ADAP1: variants seen among roughly 807,000 people sequenced by gnomAD.
The protein encoded by ADAP1 is arf-GAP with dual PH domain-containing protein 1.
In ADAP1, 31 loss-of-function variants were observed where a neutral mutation model predicts 54.9. That is an observed-to-expected ratio of 0.56 (90% CI 0.42 to 0.76). The LOEUF is 0.76. Ranked by LOEUF, ADAP1 falls within the 30% of genes least tolerant of loss-of-function variation. The pLI is 0.00. For missense variants in ADAP1, 535 were observed against 512.4 expected, an observed-to-expected ratio of 1.04 and a Z score of -0.42; for synonymous variants, 313 against 202.6, an observed-to-expected ratio of 1.55 and a Z score of -4.63.
intron 4 of ADAP1, chr7:905,564 A>AG (rs1254039149): frequency 3.6e-5 from 2 of 54,920 alleles, no homozygotes; most frequent in Non-Finnish European, 8.1e-5. Flanking sequence ...GAAAGGAGAA[A>AG]GGAGAAAGGA....
chr7:954,345 CG>C, intron 1 of ADAP1, 50 bp downstream of exon 1: 2 of 1,011,254 alleles, frequency 2.0e-6, no homozygotes, highest in Non-Finnish European at 2.4e-6. Context: ...CCCGGCACCC[CG>C]CGCCCACCCC....
chr7:906,340 GA>G (rs1845320602), intron 4 of ADAP1, among the ~76,000 whole-genome samples: 4 of 32,420 alleles, frequency 1.2e-4, no homozygotes, highest in Admixed American at 3.5e-4. Context: ...AAGGAGAAAG[GA>G]GAAAGGGAAA....
At chr7:927,068 G>C (rs1451216766) in intron 2 of ADAP1, 1 of 1,294,086 alleles carries the variant, frequency 7.7e-7, no homozygotes, top group African/African-American at 1.5e-5. Flanking sequence ...TTAGCAAAGA[G>C]CCAACAGGCG....
chr7:921,170 G>A (rs1447525234), intron 3 of ADAP1, among the ~76,000 whole-genome samples: 1 of 152,214 alleles, frequency 6.6e-6, no homozygotes, highest in Non-Finnish European at 1.5e-5. Flanking sequence ...GTTCTGGGGA[G>A]AATCTCCTCC....
In ADAP1 at chr7:946,456, C is replaced by G. The variant is rs567155087; in HGVS notation, c.82+7940G>C. Reference sequence around the variant, plus strand: ...GGACCCAGATCCGCTGGCCCCTACCCGGTTCAGGGACACGTGCCCCTCTCC... The same window carrying G: ...GGACCCAGATCCGCTGGCCCCTACCGGGTTCAGGGACACGTGCCCCTCTCC... On this transcript the variant is annotated intron_variant, in intron 1 of 10. Coordinates refer to ENST00000265846, the MANE Select transcript of ADAP1 (RefSeq NM_006869.4). The surrounding 1 kb of genome is among the most constrained non-coding windows in gnomAD (Gnocchi z 4.3). Among the ~76,000 whole-genome samples the G allele has an allele frequency of 2.0e-5, 3 of 152,314 alleles. No homozygotes were observed. In the South Asian group the frequency reaches 6.2e-4, roughly 32 times the overall value.
intron 3 of ADAP1, among the ~76,000 whole-genome samples, chr7:923,670 C>A (rs961084454): frequency 1.3e-5 from 2 of 152,108 alleles, no homozygotes; most frequent in African/African-American, 4.8e-5. Context: ...CGGTGCTCGA[C>A]CTGCCTGGAG....
At chr7:919,901 T>TG (rs1846118045) in intron 4 of ADAP1, 67 bp downstream of exon 4, 2 of 700,194 alleles carry the variant, frequency 2.9e-6, no homozygotes, top group African/African-American at 5.2e-5. Context: ...GGGAAAGAGA[T>TG]GGGGGAGGGA....
At chr7:917,568 G>A (rs971340702) in intron 4 of ADAP1, among the ~76,000 whole-genome samples, 3 of 152,154 alleles carry the variant, frequency 2.0e-5, no homozygotes, top group African/African-American at 4.8e-5. Context: ...AGGTTCAAGC[G>A]ATTCTCCTGC....
chr7:919,910 G>A, intron 4 of ADAP1, 58 bp downstream of exon 4: 1 of 1,321,042 alleles, frequency 7.6e-7, no homozygotes, highest in South Asian at 1.2e-5. Flanking sequence ...ATGGGGGAGG[G>A]AGGGAGAGAG....
intron 1 of ADAP1, among the ~76,000 whole-genome samples, chr7:943,610 G>A (rs1480807321): frequency 3.6e-5 from 1 of 27,956 alleles, no homozygotes; most frequent in African/African-American, 3.3e-4. Flanking sequence ...GAGGAGGAAG[G>A]GAGAGAGGAG....
chr7:924,323 A>T (rs970813045), intron 3 of ADAP1, among the ~76,000 whole-genome samples: 8 of 946 alleles, frequency 8.5e-3, no homozygotes, highest in Non-Finnish European at 0.012. Context: ...CCCCTCCCCC[A>T]CCCTCGAGGT....
intron 4 of ADAP1, among the ~76,000 whole-genome samples, chr7:917,590 G>A (rs1469758716): frequency 6.6e-6 from 1 of 151,782 alleles, no homozygotes; most frequent in Admixed American, 6.6e-5. Context: ...TCAGCCTGCC[G>A]AGGAGCTGGG....
At chr7:907,042 C>T (rs1845495220) in intron 4 of ADAP1, among the ~76,000 whole-genome samples, 1 of 152,084 alleles carries the variant, frequency 6.6e-6, no homozygotes, top group Admixed American at 6.5e-5. Context: ...GAGGACCAGG[C>T]TGGCCTCCTC....
At chr7:905,010 G>A (rs563688877) in intron 5 of ADAP1, 50 bp downstream of exon 5, 106 of 1,545,508 alleles carry the variant, frequency 6.9e-5, no homozygotes, top group South Asian at 6.0e-4. Context: ...GTGGGAGGCC[G>A]GGATGCCGCC....
At chr7:934,897 C>T (rs1016701016) in intron 2 of ADAP1, among the ~76,000 whole-genome samples, 6 of 152,184 alleles carry the variant, frequency 3.9e-5, no homozygotes, top group Admixed American at 2.0e-4. Flanking sequence ...CCTCAGAGGC[C>T]GCCCAGGGGA....
In ADAP1 at chr7:920,747, GCCACCCACCACGGCCTCC is replaced by G; in HGVS notation, c.306-715_306-698del. On this transcript the variant is annotated intron_variant, in intron 3 of 10. Transcript: ENST00000265846. The surrounding 1 kb of genome is among the most constrained non-coding windows in gnomAD (Gnocchi z 4.5). Reference sequence around the variant, plus strand: ...CTGAGCCCAGACATCCCTGCCCAGAGCCACCCACCACGGCCTCCCCATCCACCGTGACTCACTCGAGTG... The same window carrying G: ...CTGAGCCCAGACATCCCTGCCCAGAGCCATCCACCGTGACTCACTCGAGTG... 6.5e-7 allele frequency: 1 copy of G among 1,531,184 alleles called. No homozygotes were observed. Among genetic ancestry groups the G allele is most frequent in the South Asian group, 1.2e-5 (1 of 83,158 alleles). The allele number at this position is 1,531,184 out of a possible 1,614,324, so 94.8% of individuals were successfully genotyped here. A position where few individuals can be genotyped will look rare whatever the true frequency, so the allele number is the denominator to read the frequency against.
In ADAP1 at chr7:935,368, TC is replaced by T; in HGVS notation, c.213+6del. 7.6e-7 allele frequency: 1 copy of T among 1,308,564 alleles called. No individual in the cohort carries two copies. Among genetic ancestry groups the T allele is most frequent in the Non-Finnish European group, 1.1e-6 (1 of 946,456 alleles). The allele number at this position is 1,308,564 out of a possible 1,614,324, so 81.1% of individuals were successfully genotyped here. A position where few individuals can be genotyped will look rare whatever the true frequency, so the allele number is the denominator to read the frequency against. On this transcript the variant is annotated splice_donor_region_variant and intron_variant, in intron 2 of 10. Coordinates refer to ENST00000265846, the MANE Select transcript of ADAP1 (RefSeq NM_006869.4). Reference sequence around the variant, plus strand: ...GCGCGGGTCCCCCCGCCCCTCCCCCTCCGTACCTCCACTTGGGCCTCCTCCC... The same window carrying T: ...GCGCGGGTCCCCCCGCCCCTCCCCCTCGTACCTCCACTTGGGCCTCCTCCC...
chr7:919,254 G>A (rs371425416), intron 4 of ADAP1, among the ~76,000 whole-genome samples: 4 of 152,180 alleles, frequency 2.6e-5, no homozygotes, highest in Admixed American at 6.5e-5. Flanking sequence ...CCCCTCACCC[G>A]GGCCTTCAGG....
At chr7:953,858 T>C (rs1166829933) in intron 1 of ADAP1, among the ~76,000 whole-genome samples, 3 of 152,132 alleles carry the variant, frequency 2.0e-5, no homozygotes, top group Non-Finnish European at 4.4e-5. Flanking sequence ...GCCTCACCTG[T>C]CCTGGCGCCC....
Sources: allele counts gnomAD v4.1 joint callset (sites outside exome capture counted in the v4.1 genomes callset), GRCh38; gene constraint gnomAD v4.1.1; non-coding constraint Gnocchi (gnomAD v3.1); transcripts MANE v1.5; gene names NCBI Gene and HGNC (gene_info 2026-07-23, HGNC 2026-07-21).